The following RNPEP variants were observed in gnomAD, a reference collection of about 807,000 sequenced individuals.
The protein encoded by RNPEP is arginyl aminopeptidase, also known as aminopeptidase B.
In RNPEP, 57 loss-of-function variants were observed where a neutral mutation model predicts 70.1. The observed-to-expected ratio is 0.81, with a 90% CI of 0.66 to 1.01. The LOEUF is 1.01. RNPEP is among the 50% of genes least tolerant of loss of function. RNPEP has a pLI of 0.00. For missense variants in RNPEP, 787 were observed against 852.4 expected (o/e 0.92, Z 0.96); for synonymous variants, 335 against 357.4 (o/e 0.94, Z 0.71).
chr1:201,997,575 C>T, intron 5 of RNPEP, 21 bp downstream of exon 5: 1 of 1,580,126 alleles, frequency 6.3e-7, no homozygotes, highest in Non-Finnish European at 8.7e-7. Flanking sequence ...CACCCCTCTC[C>T]TAAGGAGTCT....
rs1345905030 is a variant in RNPEP at position 201,982,724 on chromosome 1, G to C, written c.58G>C (p.Ala20Pro). ...SGAARRPLHS[A>P]QAVDVASASN... ...CGCGGCCCGGCGGCCGCTGCACTCCGCGCAGGCTGTGGACGTGGCCTCGGC... is the reference window on the plus strand; with the variant it reads ...CGCGGCCCGGCGGCCGCTGCACTCCCCGCAGGCTGTGGACGTGGCCTCGGC... Residue 20 changes from alanine to proline, a missense_variant, in exon 1 of 11, where the codon GCG becomes CCG. By Grantham distance (27) the Ala-to-Pro change is conservative. Coordinates refer to ENST00000295640, the MANE Select transcript of RNPEP (RefSeq NM_020216.4). 6.4e-6 allele frequency: 9 copies of C among 1,400,626 alleles called. 1 individual carries two copies. The highest frequency in any genetic ancestry group is 2.1e-4 in the Middle Eastern group (1 of 4,772). The allele number at this position is 1,400,626 out of a possible 1,614,324, so 86.8% of individuals were successfully genotyped here. A position where few individuals can be genotyped will look rare whatever the true frequency, so the allele number is the denominator to read the frequency against.
Position 201,997,432 on chromosome 1 carries a change from T to C in RNPEP, c.968T>C (p.Ile323Thr), listed in dbSNP as rs550209808. Residue 323 changes from isoleucine to threonine, a missense_variant, in exon 5 of 11, where the codon ATC becomes ACC. Physicochemically the swap from Ile to Thr is moderately conservative, Grantham distance 89. Coordinates refer to ENST00000295640, the MANE Select transcript of RNPEP (RefSeq NM_020216.4). The part of the protein sequence containing the change: ...LAGDRSLADV[I>T]IHEISHSWFG... ...GGGGACCGCTCCTTGGCAGATGTCA[T>C]CATCCATGAGATCTCCCACAGTTGG... 10 of 1,614,138 alleles carry C rather than the reference T, an allele frequency of 6.2e-6. No individual in the cohort carries two copies. The African/African-American group carries it at 1.2e-4, about 19-fold the overall frequency.
intron 1 of RNPEP, among the ~76,000 whole-genome samples, chr1:201,988,328 C>T (rs1019679393): frequency 4.0e-5 from 6 of 150,688 alleles, no homozygotes; most frequent in Non-Finnish European, 5.9e-5. Flanking sequence ...TGGTGGTGCA[C>T]GCGCCTGTGG....
In RNPEP at chr1:201,983,114, G is replaced by GTGAGTGCGCCCC; in HGVS notation, c.447+2_447+13dup. 1 of 1,475,588 alleles carries GTGAGTGCGCCCC rather than the reference G, an allele frequency of 6.8e-7. No individual in the cohort carries two copies. The highest frequency in any genetic ancestry group is 8.9e-7 in the Non-Finnish European group (1 of 1,122,902). The allele number at this position is 1,475,588 out of a possible 1,614,324, so 91.4% of individuals were successfully genotyped here. A position where few individuals can be genotyped will look rare whatever the true frequency, so the allele number is the denominator to read the frequency against. On this transcript the variant is annotated splice_donor_variant, in intron 1 of 10. Coordinates refer to ENST00000295640, the MANE Select transcript of RNPEP (RefSeq NM_020216.4). LOFTEE classifies it high-confidence loss of function. ...CTACCGCGTCGGGGAGGGACCCGGG[G>GTGAGTGCGCCCC]TGAGTGCGCCCCAGACTGCGCCCGC...
intron 1 of RNPEP, among the ~76,000 whole-genome samples, chr1:201,986,803 G>C (rs544716726): frequency 5.9e-5 from 9 of 152,154 alleles, no homozygotes; most frequent in Non-Finnish European, 8.8e-5. Flanking sequence ...GCCTCCCAAA[G>C]TGCTGGGATT....
chr1:201,990,821 C>T (rs1683300598), intron 3 of RNPEP, among the ~76,000 whole-genome samples: 1 of 152,180 alleles, frequency 6.6e-6, no homozygotes, highest in South Asian at 2.1e-4. Context: ...AAAAGGATGT[C>T]ATCTTTGCAA....
intron 1 of RNPEP, among the ~76,000 whole-genome samples, chr1:201,985,903 C>G (rs1339662388): frequency 1.3e-5 from 2 of 152,006 alleles, no homozygotes; most frequent in Non-Finnish European, 2.9e-5. Context: ...TCAAACTTTC[C>G]TTGTTTTTGA....
chr1:201,996,509 T>A, intron 4 of RNPEP: 1 of 219,934 alleles, frequency 4.5e-6, no homozygotes. Context: ...GTGTGTGTGT[T>A]TTGAGATGGA....
intron 5 of RNPEP, among the ~76,000 whole-genome samples, chr1:201,999,215 T>C (rs1683690260): frequency 7.2e-6 from 1 of 139,368 alleles, no homozygotes; most frequent in Admixed American, 7.2e-5. Context: ...AGACTCTGTC[T>C]CAAAAAAAAA....
chr1:202,004,825 C>T (rs1213924156), intron 10 of RNPEP, among the ~76,000 whole-genome samples: 1 of 152,210 alleles, frequency 6.6e-6, no homozygotes, highest in Admixed American at 6.5e-5. Context: ...GGGCCAGAGG[C>T]GGAGCAAGAG....
intron 1 of RNPEP, among the ~76,000 whole-genome samples, chr1:201,986,951 GT>G (rs1177771276): frequency 1.3e-5 from 2 of 152,190 alleles, no homozygotes; most frequent in Admixed American, 1.3e-4. Context: ...TTTCTCCACT[GT>G]GAAGTTATTC....
rs34594651 is a variant in RNPEP, at chr1:202,001,689, A to G, written c.1348A>G (p.Ile450Val). The change falls in exon 8 of 11, where the codon ATC (isoleucine) becomes GTC (valine). Residue 450 changes from isoleucine (I) to valine (V), a missense_variant. Transcript: ENST00000295640. ...AYVHEFKFRS[I>V]LADDFLDFYL... is the part of the protein sequence containing the mutation. ...TGTGCATGAATTCAAATTCCGAAGC[A>G]TCTTAGCCGATGACTTTCTGGACTT... The G allele has an allele frequency of 1.1e-3, 1,824 of 1,613,862 alleles. 9 individuals are homozygous for G. Among genetic ancestry groups the G allele is most frequent in the Non-Finnish European group, 1.1e-3 (1,284 of 1,179,742 alleles).
Position 202,005,692 on chromosome 1 carries a change from G to T in RNPEP, c.1929G>T (p.Gln643His), listed in dbSNP as rs754466251. Residue 643 changes from glutamine to histidine, a missense_variant, in exon 11 of 11, where the codon CAG becomes CAT. By Grantham distance (24) the Gln-to-His change is conservative (BLOSUM62 0). Coordinates refer to ENST00000295640, the MANE Select transcript of RNPEP (RefSeq NM_020216.4). ...LHSNVVNYVQQIVAPKGS is the reference protein window; with the variant it reads ...LHSNVVNYVQHIVAPKGS ...GCAATGTTGTCAACTATGTCCAGCA[G>T]ATCGTGGCACCCAAGGGCAGTTAGA... 6.2e-7 allele frequency: 1 copy of T among 1,614,250 alleles called. No individual in the cohort carries two copies. The highest frequency in any genetic ancestry group is 8.5e-7 in the Non-Finnish European group (1 of 1,180,038).
At chr1:202,000,704 A>G (rs1419854103) in intron 6 of RNPEP, among the ~76,000 whole-genome samples, 2 of 152,038 alleles carry the variant, frequency 1.3e-5, no homozygotes, top group East Asian at 3.9e-4. Flanking sequence ...AGACCAGCCT[A>G]GCCAATATGG....
Position 202,006,038 on chromosome 1 carries a change from T to G in RNPEP, c.*322T>G. The G allele has an allele frequency of 3.8e-6, 1 of 264,842 alleles. No homozygotes were observed. Among genetic ancestry groups the G allele is most frequent in the Non-Finnish European group, 7.1e-6 (1 of 140,832 alleles). The allele number at this position is 264,842 out of a possible 1,614,324, so 16.4% of individuals were successfully genotyped here. On this transcript the variant is annotated 3_prime_UTR_variant, in exon 11 of 11. Transcript: ENST00000295640. The stretch of plus-strand genomic sequence containing the variant: ...AGAGGACTGATGCTCTTCTTTTTTC[T>G]CTTTCTGTCCTTTTTCTTGCTGATT...
chr1:201,983,449 C>G (rs1485129416), intron 1 of RNPEP: 1 of 1,413,262 alleles, frequency 7.1e-7, no homozygotes, highest in Admixed American at 2.1e-5. Context: ...CTAACATTTT[C>G]CGTGGCTTTC....
intron 10 of RNPEP, 143 bp downstream of exon 10, chr1:202,004,639 A>G: frequency 2.0e-6 from 2 of 997,156 alleles, no homozygotes; most frequent in Non-Finnish European, 2.9e-6. Context: ...CCTACCACTC[A>G]GCCTCTTTAC....
chr1:201,992,515 C>G (rs1234885359), intron 3 of RNPEP, among the ~76,000 whole-genome samples: 1 of 152,096 alleles, frequency 6.6e-6, no homozygotes, highest in East Asian at 1.9e-4. Context: ...CCTTCCAGCT[C>G]TCTGACGGCC....
In RNPEP at chr1:202,001,706, T is replaced by A; in HGVS notation, c.1365T>A (p.Phe455Leu). 6.2e-7 allele frequency: 1 copy of A among 1,613,908 alleles called. No individual in the cohort carries two copies. The highest frequency in any genetic ancestry group is 8.5e-7 in the Non-Finnish European group (1 of 1,179,802). The change falls in exon 8 of 11, where the codon TTT becomes TTA. Residue 455 changes from phenylalanine (F) to leucine (L), a missense_variant. Transcript: ENST00000295640. The stretch of plus-strand genomic sequence containing the variant: ...TCCGAAGCATCTTAGCCGATGACTT[T>A]CTGGACTTCTACTTGGAATATTTCC... ...FKFRSILADD[F>L]LDFYLEYFPE...
Sources: allele counts gnomAD v4.1 joint callset (sites outside exome capture counted in the v4.1 genomes callset), GRCh38; gene constraint gnomAD v4.1.1; transcripts MANE v1.5; gene names NCBI Gene and HGNC (gene_info 2026-07-23, HGNC 2026-07-21).